CTNNA3: variants seen among roughly 807,000 people sequenced by gnomAD.
CTNNA3 encodes the protein catenin alpha 3.
CTNNA3 carries 76 observed loss-of-function variants against 95.7 expected under a neutral mutation model. The observed-to-expected ratio is 0.79, with a 90% confidence interval of 0.66 to 0.96. The LOEUF (loss-of-function observed/expected upper bound fraction) is 0.96. Ranked by LOEUF, CTNNA3 falls within the 40% of genes least tolerant of loss-of-function variation. The pLI is 0.00. For missense variants in CTNNA3, 1,191 were observed against 1,089.8 expected (o/e 1.09, Z -1.31); for synonymous variants, 431 against 374.4 (o/e 1.15, Z -1.74).
At chr10:66,401,518 A>AACACACACACAC (rs140986771) in intron 11 of CTNNA3, among the ~76,000 whole-genome samples, 6,244 of 143,844 alleles carry the variant, frequency 0.043, 168 homozygotes, top group South Asian at 0.068. Context: ...TGTGTCTCAA[A>AACACACACACAC]ACACACACAC....
intron 11 of CTNNA3, among the ~76,000 whole-genome samples, chr10:66,476,593 A>G (rs1369054172): frequency 6.6e-6 from 1 of 152,048 alleles, no homozygotes; most frequent in Non-Finnish European, 1.5e-5. Flanking sequence ...CTTATTTGTT[A>G]AATAATGAAA....
chr10:66,728,507 A>G (rs1073477), intron 9 of CTNNA3, among the ~76,000 whole-genome samples: 118,418 of 152,170 alleles, frequency 0.78, 46,224 homozygotes, highest in East Asian at 0.89. Flanking sequence ...TCTTTGCCCC[A>G]TGCCTATGTC....
rs1404519547 is a variant in CTNNA3 at position 67,408,961 on chromosome 10, G to T, written c.579+112881C>A. Among the ~76,000 whole-genome samples the T allele has an allele frequency of 2.0e-5, 3 of 146,872 alleles. No homozygotes were observed. The East Asian group carries it at 6.1e-4, about 30-fold the overall frequency. On this transcript the variant is annotated intron_variant, in intron 5 of 17. Coordinates refer to ENST00000433211, the MANE Select transcript of CTNNA3 (RefSeq NM_013266.4). ...TTCTCAAAAGAAGACATACATGCAT[G>T]TGGCCAACAAACATGTGAAAAAAAG...
intron 13 of CTNNA3, among the ~76,000 whole-genome samples, chr10:66,164,577 A>C (rs2085026738): frequency 6.6e-6 from 1 of 152,110 alleles, no homozygotes; most frequent in Admixed American, 6.5e-5. Flanking sequence ...TAAGAGCCAA[A>C]TTAACAACAC....
chr10:67,431,957 G>C (rs921224308), intron 5 of CTNNA3, among the ~76,000 whole-genome samples: 2 of 151,798 alleles, frequency 1.3e-5, no homozygotes, highest in African/African-American at 2.4e-5. Context: ...TTAGAAACCT[G>C]GGAACCATCT....
At chr10:65,995,427 G>T (rs2078635651) in intron 15 of CTNNA3, among the ~76,000 whole-genome samples, 1 of 152,086 alleles carries the variant, frequency 6.6e-6, no homozygotes, top group East Asian at 1.9e-4. Flanking sequence ...TAGCCTCAGT[G>T]GTATCTGTGA....
chr10:67,328,249 C>T (rs1841630940), intron 5 of CTNNA3, among the ~76,000 whole-genome samples: 1 of 152,154 alleles, frequency 6.6e-6, no homozygotes. Context: ...GAGCTCTCTA[C>T]CAGTCAGGCA....
intron 5 of CTNNA3, among the ~76,000 whole-genome samples, chr10:67,291,877 C>T (rs779567215): frequency 9.2e-5 from 14 of 152,156 alleles, no homozygotes; most frequent in Non-Finnish European, 1.6e-4. Context: ...ATTACAGAAA[C>T]GGCATACAAA....
intron 7 of CTNNA3, among the ~76,000 whole-genome samples, chr10:66,938,369 A>T (rs921541052): frequency 5.9e-5 from 9 of 152,168 alleles, no homozygotes; most frequent in African/African-American, 2.2e-4. Flanking sequence ...AGCCTTACTG[A>T]TAATATAAAG....
At chr10:66,380,013 TAAAAG>T (rs541084586) in intron 11 of CTNNA3, among the ~76,000 whole-genome samples, 3 of 152,186 alleles carry the variant, frequency 2.0e-5, no homozygotes, top group Non-Finnish European at 4.4e-5. Context: ...GAAAGAATAT[TAAAAG>T]AATTAGTGTT....
intron 5 of CTNNA3, among the ~76,000 whole-genome samples, chr10:67,333,359 T>G (rs981005448): frequency 2.8e-4 from 43 of 152,212 alleles, no homozygotes; most frequent in African/African-American, 8.7e-4. Context: ...TAAGAAATTC[T>G]GTTATTGCTG....
chr10:67,534,401 T>C (rs931003043), intron 4 of CTNNA3, among the ~76,000 whole-genome samples: 2 of 152,108 alleles, frequency 1.3e-5, no homozygotes, highest in South Asian at 2.1e-4. Context: ...AGGGGCCAAG[T>C]GGAGTGCTAG....
At chr10:67,761,232 A>G (rs1415561786) in intron 1 of CTNNA3, among the ~76,000 whole-genome samples, 1 of 152,172 alleles carries the variant, frequency 6.6e-6, no homozygotes, top group Non-Finnish European at 1.5e-5. Context: ...ATTGACCCAA[A>G]TGTCGTTATG....
At chr10:66,691,063 T>A (rs1847512437) in intron 9 of CTNNA3, among the ~76,000 whole-genome samples, 1 of 152,196 alleles carries the variant, frequency 6.6e-6, no homozygotes, top group Non-Finnish European at 1.5e-5. Flanking sequence ...CATTTCCATC[T>A]GAGGTACCAG....
chr10:67,553,760 TC>T (rs979407165), intron 3 of CTNNA3, among the ~76,000 whole-genome samples: 1 of 152,082 alleles, frequency 6.6e-6, no homozygotes, highest in African/African-American at 2.4e-5. Context: ...TTTTTTCTTT[TC>T]TTTTTTTTTT....
At chr10:67,013,963 G>T (rs1852493974) in intron 7 of CTNNA3, among the ~76,000 whole-genome samples, 1 of 152,038 alleles carries the variant, frequency 6.6e-6, no homozygotes, top group African/African-American at 2.4e-5. Flanking sequence ...CTAAATCAGG[G>T]TTTCCCAGGA....
At chr10:66,642,278 AAAC>A in intron 9 of CTNNA3, among the ~76,000 whole-genome samples, 1 of 48,286 alleles carries the variant, frequency 2.1e-5, no homozygotes, top group African/African-American at 7.6e-5. Flanking sequence ...ACACACACAC[AAAC>A]ACACACACAC....
chr10:67,148,819 A>T (rs1860956931), intron 7 of CTNNA3, among the ~76,000 whole-genome samples: 1 of 152,208 alleles, frequency 6.6e-6, no homozygotes, highest in African/African-American at 2.4e-5. Context: ...AAATGCAGTA[A>T]ATCCACAATA....
chr10:65,954,356 A>G (rs182260785), intron 17 of CTNNA3, among the ~76,000 whole-genome samples: 8 of 152,272 alleles, frequency 5.3e-5, no homozygotes, highest in Non-Finnish European at 8.8e-5. Flanking sequence ...CTCTGATGGT[A>G]GTTTCTTTTG....
Sources: allele counts gnomAD v4.1 joint callset (sites outside exome capture counted in the v4.1 genomes callset), GRCh38; gene constraint gnomAD v4.1.1; transcripts MANE v1.5; gene names NCBI Gene and HGNC (gene_info 2026-07-23, HGNC 2026-07-21).